The following B3GALNT2 variants were observed in gnomAD, a reference collection of about 807,000 sequenced individuals.
B3GALNT2 encodes beta-1,3-N-acetylgalactosaminyltransferase 2.
In B3GALNT2, 53 loss-of-function variants were observed where a neutral mutation model predicts 61.1. That is an observed-to-expected ratio of 0.87 (90% CI 0.70 to 1.09). B3GALNT2 has a LOEUF of 1.09. Ranked by LOEUF, B3GALNT2 falls within the 50% of genes least tolerant of loss-of-function variation. The pLI, the probability that B3GALNT2 is intolerant of heterozygous loss-of-function variation, is 0.00. For synonymous variants in B3GALNT2, 223 were observed against 237.4 expected, an observed-to-expected ratio of 0.94 and a Z score of 0.56; for missense variants, 544 against 623.0, an observed-to-expected ratio of 0.87 and a Z score of 1.35.
rs35242859 is a variant in B3GALNT2 at position 235,449,079 on chromosome 1, C to CAGTT, written c.*1123_*1126dup. The stretch of plus-strand genomic sequence containing the variant: ...TAGCTAGCCTAATAAAATCTGAACA[C>CAGTT]AGTTAATATCTGTCATAAGACTAGT... On this transcript the variant is annotated 3_prime_UTR_variant, in exon 12 of 12. Coordinates refer to ENST00000366600, the MANE Select transcript of B3GALNT2 (RefSeq NM_152490.5). The CAGTT allele has an allele frequency of 0.11, 35,724 of 324,762 alleles. 2,568 individuals carry two copies. Among genetic ancestry groups the CAGTT allele is most frequent in the African/African-American group, 0.24 (10,983 of 46,256 alleles). 20.1% of individuals were successfully genotyped at this position (324,762 alleles called of 1,614,324 possible). A position where few individuals can be genotyped will look rare whatever the true frequency, so the allele number is the denominator to read the frequency against.
intron 8 of B3GALNT2, among the ~76,000 whole-genome samples, chr1:235,456,269 A>T (rs1683167804): frequency 6.6e-6 from 1 of 152,254 alleles, no homozygotes; most frequent in Non-Finnish European, 1.5e-5. Context: ...TAGTGACTTC[A>T]TTATCTAGAC....
chr1:235,479,376 C>A (rs1684449164), intron 5 of B3GALNT2: 1 of 152,184 alleles, frequency 6.6e-6, no homozygotes, highest in Non-Finnish European at 1.5e-5. Context: ...ATGTACTCGG[C>A]CTAGACTAAA....
chr1:235,496,311 G>GAA lies in B3GALNT2; in HGVS notation c.113-1485_113-1484dup, dbSNP rs57723180. ...GGGCAACAAGAGTGAGACTCCACCT[G>GAA]AAAAAAAAAAAAAAGTTCCATTCCA... On this transcript the variant is annotated intron_variant, in intron 1 of 11. Coordinates refer to ENST00000366600, the MANE Select transcript of B3GALNT2 (RefSeq NM_152490.5). The GAA allele has an allele frequency of 9.5e-3, 7,078 of 744,620 alleles. 2 individuals carry two copies. The highest frequency in any genetic ancestry group is 0.035 in the South Asian group (1,289 of 37,124). 46.1% of individuals were successfully genotyped at this position (744,620 alleles called of 1,614,324 possible). A position where few individuals can be genotyped will look rare whatever the true frequency, so the allele number is the denominator to read the frequency against.
At chr1:235,476,850 A>C (rs1684307859) in intron 5 of B3GALNT2, among the ~76,000 whole-genome samples, 1 of 139,428 alleles carries the variant, frequency 7.2e-6, no homozygotes. Context: ...ATGCTGTCTC[A>C]AAAAAAAAAA....
In B3GALNT2 at chr1:235,448,151, G is replaced by C. The variant is rs1014042386; in HGVS notation, c.*2055C>G. Among the ~76,000 whole-genome samples, 2 of 142,248 alleles carry C rather than the reference G, an allele frequency of 1.4e-5. No homozygotes were observed. The highest frequency in any genetic ancestry group is 1.5e-4 in the Admixed American group (2 of 13,400). 93.3% of individuals were successfully genotyped at this position (142,248 alleles called of 152,430 possible). On this transcript the variant is annotated 3_prime_UTR_variant, in exon 12 of 12. Coordinates refer to ENST00000366600, the MANE Select transcript of B3GALNT2 (RefSeq NM_152490.5). ...GGAAGCGGAGGTTGCAGTGAGCCGA[G>C]ATTACACCATTGCACTCCAGCCTGG... is the stretch of plus-strand genomic sequence containing the variant.
chr1:235,491,205 A>T (rs1379190894), intron 2 of B3GALNT2, among the ~76,000 whole-genome samples: 1 of 152,166 alleles, frequency 6.6e-6, no homozygotes, highest in Admixed American at 6.5e-5. Flanking sequence ...TTGTCACTTT[A>T]GTCCTCACCT....
At chr1:235,496,284 C>G in intron 1 of B3GALNT2, 1 of 675,678 alleles carries the variant, frequency 1.5e-6, no homozygotes, top group Non-Finnish European at 2.0e-6. Context: ...GCACTCCAGC[C>G]TGGGCAACAA....
intron 8 of B3GALNT2, among the ~76,000 whole-genome samples, chr1:235,457,165 C>T (rs1006205809): frequency 6.6e-6 from 1 of 151,956 alleles, no homozygotes; most frequent in African/African-American, 2.4e-5. Context: ...AGAAACATTA[C>T]CTTCCATAAA....
chr1:235,478,263 G>A (rs1461879246), intron 5 of B3GALNT2, among the ~76,000 whole-genome samples: 1 of 152,122 alleles, frequency 6.6e-6, no homozygotes, highest in Non-Finnish European at 1.5e-5. Context: ...ATCTTGGCCA[G>A]GCTGGTCTTG....
At chr1:235,442,013 T>A in the B3GALNT2 span, 5 of 773,512 alleles carry the variant, frequency 6.5e-6, no homozygotes, top group African/African-American at 1.8e-5. Flanking sequence ...TGAAAATTTT[T>A]TTTTTTTTTT....
rs139582216 is a variant in B3GALNT2 at position 235,484,487 on chromosome 1, A to G, written c.390T>C (p.Ser130=). Residue 130 remains serine (S), a synonymous_variant, in exon 4 of 12, where the codon AGT becomes AGC. Coordinates refer to ENST00000366600, the MANE Select transcript of B3GALNT2 (RefSeq NM_152490.5). Reference sequence around the variant, plus strand: ...GCCCCGATGAAGTGTCTTCGGACAGACTGAACGCTTCAATTTCCTGATTCA... The same window carrying G: ...GCCCCGATGAAGTGTCTTCGGACAGGCTGAACGCTTCAATTTCCTGATTCA... ...PVLNQEIEAF[S]LSEDTSSGLP... is the part of the protein sequence containing the mutation. 12 of 1,613,930 alleles carry G rather than the reference A, an allele frequency of 7.4e-6. No homozygotes were observed. The African/African-American group carries it at 1.5e-4, about 20-fold the overall frequency.
downstream of B3GALNT2, chr1:235,442,803 C>A: frequency 1.3e-6 from 2 of 1,565,858 alleles, no homozygotes; most frequent in Non-Finnish European, 1.8e-6. Context: ...TAATTTAAAT[C>A]CATATAATAG....
chr1:235,484,756 T>C (rs1361557582), intron 3 of B3GALNT2: 2 of 616,666 alleles, frequency 3.2e-6, no homozygotes, highest in Non-Finnish European at 5.0e-6. Flanking sequence ...ACTGCTTTAA[T>C]AGCTTTTTGC....
intron 5 of B3GALNT2, among the ~76,000 whole-genome samples, chr1:235,473,849 T>C (rs1208495116): frequency 5.9e-5 from 9 of 152,220 alleles, no homozygotes; most frequent in Non-Finnish European, 1.0e-4. Flanking sequence ...AAGATGATGA[T>C]AAAACGAGTA....
rs779487372 is a variant in B3GALNT2, at chr1:235,494,759, C to T, written c.182G>A (p.Arg61His). ...YDVVVGVLSA[R>H]NNHELRNVIR... ...CACGTTTCGAAGTTCATGGTTATTG[C>T]GAGCTGACAACACGCCAACTACCAC... The change falls in exon 2 of 12, where the codon CGC becomes CAC. Residue 61 changes from arginine (R) to histidine (H), a missense_variant. By Grantham distance (29) the Arg-to-His change is conservative. Coordinates refer to ENST00000366600, the MANE Select transcript of B3GALNT2 (RefSeq NM_152490.5). 22 of 1,611,728 alleles carry T rather than the reference C, an allele frequency of 1.4e-5. No homozygotes were observed. The highest frequency in any genetic ancestry group is 6.7e-5 in the East Asian group (3 of 44,860).
chr1:235,495,548 A>AT (rs1685280639), intron 1 of B3GALNT2, among the ~76,000 whole-genome samples: 1 of 151,726 alleles, frequency 6.6e-6, no homozygotes. Flanking sequence ...AAAAAAAAAA[A>AT]AAAATAATAA....
chr1:235,452,547 C>CT (rs34600118), intron 11 of B3GALNT2: 197 of 143,578 alleles, frequency 1.4e-3, no homozygotes, highest in African/African-American at 4.4e-3. Flanking sequence ...AAATCCAAAA[C>CT]TTTTTTTTTT....
intron 5 of B3GALNT2, among the ~76,000 whole-genome samples, chr1:235,478,383 T>G (rs1369011929): frequency 6.6e-6 from 1 of 152,162 alleles, no homozygotes; most frequent in East Asian, 1.9e-4. Flanking sequence ...AAGGTAACTT[T>G]GATGGTACAT....
chr1:235,453,696 C>G (rs1393645431), intron 10 of B3GALNT2, among the ~76,000 whole-genome samples: 3 of 152,166 alleles, frequency 2.0e-5, no homozygotes, highest in Admixed American at 6.5e-5. Context: ...ATCTGCCTGC[C>G]TTGGCGTCCG....
Sources: gnomAD v4.1 joint callset for allele counts (sites outside exome capture counted in the v4.1 genomes callset) on GRCh38, gnomAD v4.1.1 for gene constraint, MANE v1.5 for transcripts, NCBI Gene and HGNC (gene_info 2026-07-23, HGNC 2026-07-21) for gene names.